ARIH1: variants seen among roughly 807,000 people sequenced by gnomAD.
ARIH1 encodes the protein ariadne RBR E3 ubiquitin protein ligase 1.
In ARIH1, 8 loss-of-function variants were observed where a neutral mutation model predicts 85.0. The observed-to-expected ratio is 0.09, with a 90% CI of 0.06 to 0.17. The LOEUF is 0.17. ARIH1 is among the 10% of genes least tolerant of loss of function. ARIH1 has a pLI of 1.00. For synonymous variants in ARIH1, 238 were observed against 253.6 expected, an observed-to-expected ratio of 0.94 and a Z score of 0.59; for missense variants, 311 against 718.1, an observed-to-expected ratio of 0.43 and a Z score of 6.48.
At chr15:72,572,235 T>A (rs1454223564) in intron 11 of ARIH1, 70 bp downstream of exon 11, 1 of 1,050,976 alleles carries the variant, frequency 9.5e-7, no homozygotes, top group Non-Finnish European at 1.4e-6. Flanking sequence ...CATTAGAGAA[T>A]AATTTTTTTT....
chr15:72,474,573 G>C lies in ARIH1; in HGVS notation c.-67G>C. 1 of 1,469,632 alleles carries C rather than the reference G, an allele frequency of 6.8e-7. No individual in the cohort carries two copies. Among genetic ancestry groups the C allele is most frequent in the African/African-American group, 1.5e-5 (1 of 67,970 alleles). 91.0% of individuals were successfully genotyped at this position (1,469,632 alleles called of 1,614,324 possible). A position where few individuals can be genotyped will look rare whatever the true frequency, so the allele number is the denominator to read the frequency against. Reference sequence around the variant, plus strand: ...ATCAGCCGGAGCCGGAGCGAGAGCCGGGGCCTCGGCGTCCCCGCCCTCTCC... The same window carrying C: ...ATCAGCCGGAGCCGGAGCGAGAGCCCGGGCCTCGGCGTCCCCGCCCTCTCC... On this transcript the variant is annotated 5_prime_UTR_variant, in exon 1 of 14. Coordinates refer to ENST00000379887, the MANE Select transcript of ARIH1 (RefSeq NM_005744.5).
intron 10 of ARIH1, 108 bp downstream of exon 10, chr15:72,570,415 A>AAAT (rs1422044077): frequency 2.2e-6 from 3 of 1,337,104 alleles, no homozygotes; most frequent in Admixed American, 4.1e-5. Context: ...CAAGCTAAAT[A>AAAT]AATACATAGT....
rs1349323588 is a variant in ARIH1, at chr15:72,474,411, G to C, written c.-229G>C. 1 of 567,696 alleles carries C rather than the reference G, an allele frequency of 1.8e-6. No individual in the cohort carries two copies. The highest frequency in any genetic ancestry group is 3.0e-6 in the Non-Finnish European group (1 of 328,220). 35.2% of individuals were successfully genotyped at this position (567,696 alleles called of 1,614,324 possible). A position where few individuals can be genotyped will look rare whatever the true frequency, so the allele number is the denominator to read the frequency against. On this transcript the variant is annotated 5_prime_UTR_variant, in exon 1 of 14. Transcript: ENST00000379887. ...CGGAGCGGAGCCGCGTCTGACTGAG[G>C]CGGGCAGCAAGCGGCCCCCTCGCTC...
intron 1 of ARIH1, among the ~76,000 whole-genome samples, chr15:72,514,190 T>C (rs1366830350): frequency 6.6e-6 from 1 of 152,032 alleles, no homozygotes; most frequent in Non-Finnish European, 1.5e-5. Context: ...TTCTGAACTA[T>C]ACTTTTAGTG....
At chr15:72,532,334 G>C (rs375611699) in intron 2 of ARIH1, among the ~76,000 whole-genome samples, 7 of 151,766 alleles carry the variant, frequency 4.6e-5, no homozygotes, top group East Asian at 1.9e-4. Context: ...CTTGATAGAC[G>C]AAATGGGTAG....
chr15:72,516,622 A>G (rs1287075868), intron 1 of ARIH1, among the ~76,000 whole-genome samples: 1 of 152,152 alleles, frequency 6.6e-6, no homozygotes, highest in Non-Finnish European at 1.5e-5. Context: ...GGGTCCAGAG[A>G]AGTAAGGAGT....
chr15:72,525,519 A>C (rs749162660), intron 2 of ARIH1, among the ~76,000 whole-genome samples: 44 of 152,248 alleles, frequency 2.9e-4, no homozygotes, highest in Non-Finnish European at 4.4e-4. Context: ...ATGTATTGGA[A>C]GTTCTGATAA....
At chr15:72,528,930 G>GC (rs2064042590) in intron 2 of ARIH1, among the ~76,000 whole-genome samples, 1 of 152,212 alleles carries the variant, frequency 6.6e-6, no homozygotes, top group Non-Finnish European at 1.5e-5. Flanking sequence ...GCTGGGTGTG[G>GC]TGGCTCATGC....
chr15:72,483,282 T>C (rs1242762372), intron 1 of ARIH1, among the ~76,000 whole-genome samples: 1 of 152,222 alleles, frequency 6.6e-6, no homozygotes, highest in Non-Finnish European at 1.5e-5. Context: ...TTCCTTGCCA[T>C]GTGGGCCTCT....
intron 1 of ARIH1, among the ~76,000 whole-genome samples, chr15:72,502,151 G>T (rs1303931292): frequency 1.1e-4 from 16 of 151,904 alleles, no homozygotes; most frequent in Admixed American, 8.5e-4. Flanking sequence ...CCCCACTTTG[G>T]TTTGCCGCTG....
intron 1 of ARIH1, among the ~76,000 whole-genome samples, chr15:72,502,428 A>G (rs2063907699): frequency 6.6e-6 from 1 of 152,238 alleles, no homozygotes; most frequent in Admixed American, 6.5e-5. Context: ...TATCTCAGCA[A>G]AATTTCAAAT....
chr15:72,596,942 G>GT lies in ARIH1; in HGVS notation c.*13656dup, dbSNP rs2064365753. On this transcript the variant is annotated 3_prime_UTR_variant, in exon 14 of 14. Transcript: ENST00000379887. ...TCAGTTATTTTATTGGGTTTTTTCT[G>GT]TTTTTTCTTTCATTTTTAATCAGTT... is the stretch of plus-strand genomic sequence containing the variant. 2 of 151,670 alleles carry GT rather than the reference G, an allele frequency of 1.3e-5. No homozygotes were observed. The highest frequency in any genetic ancestry group is 4.1e-4 in the South Asian group (2 of 4,824). The allele number at this position is 151,670 out of a possible 1,614,324, so 9.4% of individuals were successfully genotyped here.
rs1272617295 is a variant in ARIH1, at chr15:72,585,088, A to G, written c.*1796A>G. 6.6e-6 allele frequency: 1 copy of G among 152,064 alleles called. No individual in the cohort carries two copies. The highest frequency in any genetic ancestry group is 1.5e-5 in the Non-Finnish European group (1 of 68,028). The allele number at this position is 152,064 out of a possible 1,614,324, so 9.4% of individuals were successfully genotyped here. ...TTTCCTCTGGCCTTTTGCCTAAGTT[A>G]GGCTTTGCTGAATCAACCCTACTTT... On this transcript the variant is annotated 3_prime_UTR_variant, in exon 14 of 14. Transcript: ENST00000379887.
chr15:72,487,083 T>TTA (rs2063840718), intron 1 of ARIH1, among the ~76,000 whole-genome samples: 2 of 151,658 alleles, frequency 1.3e-5, no homozygotes, highest in Admixed American at 6.6e-5. Context: ...TATTATTATT[T>TTA]TTTTTTGTAT....
Position 72,587,819 on chromosome 15 carries a change from G to A in ARIH1, c.*4527G>A, listed in dbSNP as rs1053283764. The A allele has an allele frequency of 6.6e-6, 1 of 152,166 alleles. No homozygotes were observed. The highest frequency in any genetic ancestry group is 2.4e-5 in the African/African-American group (1 of 41,436). 9.4% of individuals were successfully genotyped at this position (152,166 alleles called of 1,614,324 possible). A position where few individuals can be genotyped will look rare whatever the true frequency, so the allele number is the denominator to read the frequency against. On this transcript the variant is annotated 3_prime_UTR_variant, in exon 14 of 14. Coordinates refer to ENST00000379887, the MANE Select transcript of ARIH1 (RefSeq NM_005744.5). Reference sequence around the variant, plus strand: ...ATAGTGCCTACCAGGGGAGTAAACAGACAACTTTTAGGTTTTTAGTTTTTG... The same window carrying A: ...ATAGTGCCTACCAGGGGAGTAAACAAACAACTTTTAGGTTTTTAGTTTTTG...
At chr15:72,480,848 C>T (rs1595847313) in intron 1 of ARIH1, among the ~76,000 whole-genome samples, 1 of 152,198 alleles carries the variant, frequency 6.6e-6, no homozygotes, top group Non-Finnish European at 1.5e-5. Context: ...CACAGTGAGC[C>T]ACCTTGCCCG....
rs1228206323 is a variant in ARIH1 at position 72,548,232 on chromosome 15, T to TA, written c.588+3269dup. Among the ~76,000 whole-genome samples the TA allele has an allele frequency of 3.3e-5, 5 of 152,132 alleles. No individual in the cohort carries two copies. The East Asian group carries it at 5.8e-4, about 18-fold the overall frequency. On this transcript the variant is annotated intron_variant, in intron 3 of 13. Transcript: ENST00000379887. ...ACCCAGTTTTTGATCAGGCAGGACT[T>TA]ACCACAGAAATCTGAACTAACATCT...
At chr15:72,481,456 T>C (rs1456745038) in intron 1 of ARIH1, among the ~76,000 whole-genome samples, 1 of 152,200 alleles carries the variant, frequency 6.6e-6, no homozygotes, top group East Asian at 1.9e-4. Flanking sequence ...ACACCTGTAA[T>C]CCCAGCACTT....
chr15:72,552,681 G>A (rs934198736), intron 3 of ARIH1, among the ~76,000 whole-genome samples: 3 of 152,040 alleles, frequency 2.0e-5, no homozygotes, highest in Non-Finnish European at 2.9e-5. Flanking sequence ...AAGTGTGTAC[G>A]TTAGAACACC....
Sources: gnomAD v4.1 joint callset for allele counts (sites outside exome capture counted in the v4.1 genomes callset) on GRCh38, gnomAD v4.1.1 for gene constraint, MANE v1.5 for transcripts, NCBI Gene and HGNC (gene_info 2026-07-23, HGNC 2026-07-21) for gene names.